DHTKD1: variants seen among roughly 807,000 people sequenced by gnomAD.
The protein encoded by DHTKD1 is dehydrogenase E1 and transketolase domain containing 1, also known as 2-oxoadipate dehydrogenase complex component E1.
Under a neutral mutation model 101.8 loss-of-function variants are expected in DHTKD1, and 78 were observed. The ratio of observed to expected loss-of-function variants is 0.77; its 90% CI spans 0.64 to 0.93. The LOEUF (loss-of-function observed/expected upper bound fraction) is 0.93, where lower values mean the gene tolerates loss of function less well. Among genes scored for constraint, DHTKD1 ranks in the 40% least tolerant of loss-of-function variants. The pLI, the probability that DHTKD1 is intolerant of heterozygous loss-of-function variation, is 0.00. For synonymous variants in DHTKD1, 462 were observed against 450.3 expected (o/e 1.03, Z -0.33); for missense variants, 1,223 against 1,161.7 (o/e 1.05, Z -0.77).
At chr10:12,080,393 T>C (rs1256443537) in intron 1 of DHTKD1, among the ~76,000 whole-genome samples, 1 of 151,940 alleles carries the variant, frequency 6.6e-6, no homozygotes, top group Non-Finnish European at 1.5e-5. Context: ...CAGCAACACT[T>C]GTTCATAAAA....
At chr10:12,078,533 C>T (rs1311494006) in intron 1 of DHTKD1, among the ~76,000 whole-genome samples, 1 of 152,084 alleles carries the variant, frequency 6.6e-6, no homozygotes, top group East Asian at 1.9e-4. Flanking sequence ...ATCGCTTGCA[C>T]CCAAAAGGCG....
chr10:12,120,160 G>T, intron 15 of DHTKD1, 22 bp from the exon 16 acceptor site: 2 of 1,600,670 alleles, frequency 1.2e-6, no homozygotes, highest in South Asian at 2.2e-5. Flanking sequence ...TTGAGGTGCT[G>T]AAAGAATTTC....
intron 10 of DHTKD1, among the ~76,000 whole-genome samples, chr10:12,102,045 A>C (rs1347497791): frequency 1.3e-5 from 2 of 152,156 alleles, no homozygotes; most frequent in African/African-American, 2.4e-5. Flanking sequence ...CTTATTCCTT[A>C]AGGTAAGTTG....
rs570884451 is a variant in DHTKD1, at chr10:12,087,927, C to A, written c.717+198C>A. On this transcript the variant is annotated intron_variant, in intron 4 of 16. Transcript: ENST00000263035. The surrounding 1 kb of genome is among the most constrained non-coding windows in gnomAD (Gnocchi z 5.2). ...AGGAGTTTGAGACCACCCTGTGGAA[C>A]AAAGTGAGACTTTGTCTCTACCAAA... is the stretch of plus-strand genomic sequence containing the variant. Among the ~76,000 whole-genome samples the A allele has an allele frequency of 3.9e-5, 6 of 152,008 alleles. No homozygotes were observed. Among genetic ancestry groups the A allele is most frequent in the African/African-American group, 1.4e-4 (6 of 41,458 alleles).
chr10:12,075,799 G>A (rs893675722), intron 1 of DHTKD1, among the ~76,000 whole-genome samples: 2 of 151,910 alleles, frequency 1.3e-5, no homozygotes, highest in African/African-American at 4.8e-5. Context: ...TTATTATAAA[G>A]GTAATACAGT....
chr10:12,098,504 A>G (rs968710520), intron 8 of DHTKD1, among the ~76,000 whole-genome samples: 4 of 152,178 alleles, frequency 2.6e-5, no homozygotes, highest in Admixed American at 6.6e-5. Flanking sequence ...AAGGAGAGCA[A>G]AGAGTTAAAT....
Position 12,107,958 on chromosome 10 carries a change from T to G in DHTKD1, c.2097T>G (p.His699Gln), listed in dbSNP as rs761096348. The G allele has an allele frequency of 1.9e-6, 3 of 1,614,046 alleles. No individual in the cohort carries two copies. In the South Asian group the frequency reaches 3.3e-5, roughly 18 times the overall value. ...LQSGIVILLPHGYDGAGPDHS... is the reference protein window; with the variant it reads ...LQSGIVILLPQGYDGAGPDHS... ...GCGGCATCGTCATCCTCCTTCCACATGGCTACGATGGGGCTGGGCCAGACC... is the reference window on the plus strand; with the variant it reads ...GCGGCATCGTCATCCTCCTTCCACAGGGCTACGATGGGGCTGGGCCAGACC... Residue 699 changes from histidine (H) to glutamine (Q), a missense_variant, in exon 12 of 17, where the codon CAT becomes CAG. Transcript: ENST00000263035. The surrounding 1 kb of genome is among the most constrained non-coding windows in gnomAD (Gnocchi z 4.1).
intron 1 of DHTKD1, among the ~76,000 whole-genome samples, chr10:12,077,026 A>G (rs1212683384): frequency 6.7e-6 from 1 of 149,122 alleles, no homozygotes; most frequent in Non-Finnish European, 1.5e-5. Context: ...GGCAATTTCT[A>G]CATAGGATTA....
In DHTKD1 at chr10:12,107,964, C is replaced by T. The variant is rs766801757; in HGVS notation, c.2103C>T (p.Tyr701=). ...SGIVILLPHG[Y]DGAGPDHSSC... ...TCGTCATCCTCCTTCCACATGGCTA[C>T]GATGGGGCTGGGCCAGACCACTCAT... The change falls in exon 12 of 17, where the codon TAC becomes TAT. Residue 701 remains tyrosine (Y), a synonymous_variant. Transcript: ENST00000263035. This position sits in a 1 kb window ranked among gnomAD's most constrained non-coding sequence, Gnocchi z 4.1. The T allele has an allele frequency of 3.0e-5, 49 of 1,614,060 alleles. No homozygotes were observed. The highest frequency in any genetic ancestry group is 2.5e-4 in the East Asian group (11 of 44,872).
At chr10:12,108,100 C>T (rs1199014264) in intron 12 of DHTKD1, 85 bp downstream of exon 12, 14 of 953,476 alleles carry the variant, frequency 1.5e-5, no homozygotes, top group East Asian at 2.5e-5. Flanking sequence ...TTAACGCCCA[C>T]CTAACTGTAA....
At position 12,103,185 on chromosome 10, in the gene DHTKD1, C is replaced by T. The variant is rs562147998; in HGVS notation, c.1896+2004C>T. On this transcript the variant is annotated intron_variant, in intron 10 of 16. Coordinates refer to ENST00000263035, the MANE Select transcript of DHTKD1 (RefSeq NM_018706.7). This position sits in a 1 kb window ranked among gnomAD's most constrained non-coding sequence, Gnocchi z 4.8. ...TAGTGAGCGGAGATCATACCACTGC[C>T]CTCCAGTTTGGGCAACAGAGCAAGA... Among the ~76,000 whole-genome samples, 26 of 152,102 alleles carry T rather than the reference C, an allele frequency of 1.7e-4. No homozygotes were observed. The South Asian group carries it at 2.3e-3, about 13-fold the overall frequency.
Position 12,120,710 on chromosome 10 carries a change from G to T in DHTKD1, c.2659-77G>T. On this transcript the variant is annotated intron_variant, in intron 16 of 16. Transcript: ENST00000263035. ...GTTAAACAAGCTAAGAGAAATACAT[G>T]CACTGTCTTGTTGGAACTAAGCAGA... 2.5e-6 allele frequency: 3 copies of T among 1,183,028 alleles called. No homozygotes were observed. In the Admixed American group the frequency reaches 5.3e-5, roughly 21 times the overall value. The allele number at this position is 1,183,028 out of a possible 1,614,324, so 73.3% of individuals were successfully genotyped here. A position where few individuals can be genotyped will look rare whatever the true frequency, so the allele number is the denominator to read the frequency against.
At chr10:12,072,572 A>G (rs1378440828) in intron 1 of DHTKD1, among the ~76,000 whole-genome samples, 1 of 152,184 alleles carries the variant, frequency 6.6e-6, no homozygotes, top group Admixed American at 6.6e-5. Context: ...TGGTTTCACT[A>G]GTTACAATTT....
Position 12,106,310 on chromosome 10 carries a change from G to T in DHTKD1, c.1961G>T (p.Ser654Ile), listed in dbSNP as rs748103025. ...TTTGAATATGGGATGAGCATTGAGAGCCCAAAGTTACTGCCCCTGTGGGAG... is the reference window on the plus strand; with the variant it reads ...TTTGAATATGGGATGAGCATTGAGATCCCAAAGTTACTGCCCCTGTGGGAG... Reference protein sequence around the residue: ...LGFEYGMSIESPKLLPLWEAQ... With the variant: ...LGFEYGMSIEIPKLLPLWEAQ... The change falls in exon 11 of 17, where the codon AGC becomes ATC. Residue 654 changes from serine (S) to isoleucine (I), a missense_variant. Transcript: ENST00000263035. The T allele has an allele frequency of 1.9e-6, 3 of 1,614,170 alleles. No individual in the cohort carries two copies. The South Asian group carries it at 3.3e-5, about 18-fold the overall frequency.
chr10:12,113,607 A>C (rs1001539256), intron 13 of DHTKD1, among the ~76,000 whole-genome samples: 2 of 152,150 alleles, frequency 1.3e-5, no homozygotes, highest in Non-Finnish European at 2.9e-5. Context: ...TGCCCTCCTG[A>C]GCAGAAATAC....
At chr10:12,113,101 G>T in intron 13 of DHTKD1, 37 bp downstream of exon 13, 1 of 1,519,426 alleles carries the variant, frequency 6.6e-7, no homozygotes, top group African/African-American at 1.4e-5. Flanking sequence ...TCCTCCTTTT[G>T]TCATTTTTTG....
Position 12,108,009 on chromosome 10 carries a change from C to T in DHTKD1, c.2148C>T (p.Phe716=). 2 of 1,612,398 alleles carry T rather than the reference C, an allele frequency of 1.2e-6. No homozygotes were observed. The highest frequency in any genetic ancestry group is 1.7e-6 in the Non-Finnish European group (2 of 1,178,526). The change falls in exon 12 of 17, where the codon TTC becomes TTT. Residue 716 remains phenylalanine, a synonymous_variant. Transcript: ENST00000263035. ...PDHSSCRIER[F]LQMCDSAEEG... ...ACTCATCCTGTCGAATAGAGCGTTT[C>T]CTGCAGGTAAGGGTAACGTCTTCCG...
At chr10:12,069,557 C>T (rs1323123829) in intron 1 of DHTKD1, among the ~76,000 whole-genome samples, 1 of 115,684 alleles carries the variant, frequency 8.6e-6, no homozygotes, top group Non-Finnish European at 1.6e-5. Context: ...GAGTCTCGCT[C>T]TGTGGCCCAG....
chr10:12,106,531 TCACCCTGTTATGACGGGAGTGTGGC>T, intron 11 of DHTKD1, 135 bp downstream of exon 11: 1 of 1,119,644 alleles, frequency 8.9e-7, no homozygotes, highest in East Asian at 2.4e-5. Flanking sequence ...GGAGTTGGGG[TCACCCTGTTATGACGGGAGTGTGGC>T]CACTGTCAGG....
Sources: gnomAD v4.1 joint callset for allele counts (sites outside exome capture counted in the v4.1 genomes callset) on GRCh38, gnomAD v4.1.1 for gene constraint, Gnocchi (gnomAD v3.1) non-coding constraint, MANE v1.5 for transcripts, NCBI Gene and HGNC (gene_info 2026-07-23, HGNC 2026-07-21) for gene names.